Variants in CRPPA observed in about 807,000 individuals in gnomAD.
The protein encoded by CRPPA is D-ribitol-5-phosphate cytidylyltransferase.
Under a neutral mutation model 52.0 loss-of-function variants are expected in CRPPA, and 43 were observed. That is an observed-to-expected ratio of 0.83 (90% CI 0.65 to 1.07). The LOEUF (loss-of-function observed/expected upper bound fraction) is 1.07. Ranked by LOEUF, CRPPA falls within the 50% of genes least tolerant of loss-of-function variation. The pLI is 0.00. For missense variants in CRPPA, 629 were observed against 551.7 expected (o/e 1.14, Z -1.40); for synonymous variants, 250 against 203.5 (o/e 1.23, Z -1.94).
intron 9 of CRPPA, among the ~76,000 whole-genome samples, chr7:16,173,820 T>C (rs575329826): frequency 1.3e-5 from 2 of 152,200 alleles, no homozygotes; most frequent in East Asian, 1.9e-4. Context: ...TTAACAGCCA[T>C]GATCTACAAG....
chr7:16,330,458 G>T (rs1163110278), intron 3 of CRPPA, among the ~76,000 whole-genome samples: 3 of 152,146 alleles, frequency 2.0e-5, no homozygotes, highest in Non-Finnish European at 4.4e-5. Flanking sequence ...GCTGTCCCCA[G>T]AATCATAGAG....
chr7:16,354,530 C>A (rs377228115), intron 3 of CRPPA, among the ~76,000 whole-genome samples: 32 of 152,232 alleles, frequency 2.1e-4, no homozygotes, highest in African/African-American at 6.3e-4. Flanking sequence ...AACTAATCAG[C>A]CTAATGAGGC....
intron 9 of CRPPA, among the ~76,000 whole-genome samples, chr7:16,213,119 C>T (rs1019167929): frequency 4.6e-5 from 7 of 152,180 alleles, no homozygotes; most frequent in Admixed American, 4.6e-4. Context: ...TAAGACTACA[C>T]ACTCTAAGCT....
intron 3 of CRPPA, among the ~76,000 whole-genome samples, chr7:16,336,773 G>A (rs777041002): frequency 6.6e-6 from 1 of 151,822 alleles, no homozygotes; most frequent in South Asian, 2.1e-4. Context: ...AACACAGACC[G>A]AAAATGAAAG....
intron 8 of CRPPA, among the ~76,000 whole-genome samples, chr7:16,233,678 G>T (rs1455327401): frequency 1.3e-5 from 2 of 152,168 alleles, no homozygotes; most frequent in Non-Finnish European, 1.5e-5. Flanking sequence ...TGGCCAGCCA[G>T]AGCAAGGGAG....
chr7:16,280,248 A>G (rs1014823128), intron 5 of CRPPA, among the ~76,000 whole-genome samples: 3 of 152,246 alleles, frequency 2.0e-5, no homozygotes, highest in Non-Finnish European at 2.9e-5. Flanking sequence ...GTGAGATCAA[A>G]TCAAAGGGAT....
intron 9 of CRPPA, among the ~76,000 whole-genome samples, chr7:16,151,656 A>G (rs1263951190): frequency 6.6e-6 from 1 of 152,082 alleles, no homozygotes. Context: ...TTTCTTCCAT[A>G]CGCTTTCTAT....
chr7:16,186,726 T>A (rs1163426441), intron 9 of CRPPA, among the ~76,000 whole-genome samples: 2 of 152,224 alleles, frequency 1.3e-5, no homozygotes, highest in African/African-American at 4.8e-5. Flanking sequence ...TTAAATAGTT[T>A]GAGTCCTGAT....
intron 3 of CRPPA, among the ~76,000 whole-genome samples, chr7:16,364,857 T>C (rs538366876): frequency 6.6e-6 from 1 of 152,348 alleles, no homozygotes; most frequent in South Asian, 2.1e-4. Flanking sequence ...CAACCTGTTG[T>C]TGACGTGTCT....
intron 9 of CRPPA, among the ~76,000 whole-genome samples, chr7:16,214,203 C>T (rs1782240131): frequency 6.6e-6 from 1 of 152,122 alleles, no homozygotes; most frequent in Admixed American, 6.5e-5. Context: ...GGGACATACG[C>T]TAAAAATTAT....
intron 9 of CRPPA, among the ~76,000 whole-genome samples, chr7:16,211,960 T>C (rs920039335): frequency 6.6e-6 from 1 of 152,226 alleles, no homozygotes; most frequent in Non-Finnish European, 1.5e-5. Context: ...TACAGCTTTA[T>C]ATAATTTAAT....
At chr7:16,359,829 A>T (rs917712675) in intron 3 of CRPPA, among the ~76,000 whole-genome samples, 1 of 152,214 alleles carries the variant, frequency 6.6e-6, no homozygotes, top group Non-Finnish European at 1.5e-5. Flanking sequence ...AAAAAGGCAC[A>T]AACAGTAATT....
chr7:16,173,900 T>C (rs962188610), intron 9 of CRPPA, among the ~76,000 whole-genome samples: 1 of 152,170 alleles, frequency 6.6e-6, no homozygotes, highest in Non-Finnish European at 1.5e-5. Flanking sequence ...AAAACACTGA[T>C]TTATAGATGG....
intron 8 of CRPPA, among the ~76,000 whole-genome samples, chr7:16,227,882 C>A (rs1412888999): frequency 6.6e-6 from 1 of 151,832 alleles, no homozygotes; most frequent in Non-Finnish European, 1.5e-5. Context: ...TCTAATCTTA[C>A]ATTTAAATCC....
At chr7:16,265,916 A>G (rs1323964219) in intron 6 of CRPPA, among the ~76,000 whole-genome samples, 2 of 152,214 alleles carry the variant, frequency 1.3e-5, no homozygotes, top group Non-Finnish European at 2.9e-5. Flanking sequence ...GCTAGCACTC[A>G]GACTCAGGTC....
chr7:16,208,655 A>G (rs1782031457), intron 9 of CRPPA, among the ~76,000 whole-genome samples: 1 of 152,134 alleles, frequency 6.6e-6, no homozygotes, highest in Non-Finnish European at 1.5e-5. Flanking sequence ...CTTATCAAAG[A>G]AGGCTATCTT....
intron 3 of CRPPA, among the ~76,000 whole-genome samples, chr7:16,358,492 G>C (rs577623767): frequency 3.2e-4 from 48 of 152,074 alleles, no homozygotes; most frequent in Middle Eastern, 3.4e-3. Context: ...TATACAAATA[G>C]GTCAAATCTA....
At chr7:16,306,274 C>G (rs1343254069) in intron 4 of CRPPA, among the ~76,000 whole-genome samples, 1 of 152,138 alleles carries the variant, frequency 6.6e-6, no homozygotes, top group African/African-American at 2.4e-5. Context: ...ACAGTTGAAC[C>G]CACAACAATG....
At chr7:16,247,342 C>A (rs1172247394) in intron 8 of CRPPA, among the ~76,000 whole-genome samples, 4 of 152,078 alleles carry the variant, frequency 2.6e-5, no homozygotes, top group Non-Finnish European at 5.9e-5. Context: ...ACACAGGGGT[C>A]ATTGTAGGGT....
Sources: allele counts gnomAD v4.1 joint callset (sites outside exome capture counted in the v4.1 genomes callset), GRCh38; gene constraint gnomAD v4.1.1; transcripts MANE v1.5; gene names NCBI Gene and HGNC (gene_info 2026-07-23, HGNC 2026-07-21).